Variants in RGS20 observed in about 807,000 individuals in gnomAD.
The protein encoded by RGS20 is regulator of G protein signaling 20.
A neutral mutation model predicts 33.6 loss-of-function variants in RGS20; 30 were observed. The ratio of observed to expected loss-of-function variants is 0.89; its 90% CI spans 0.67 to 1.21. The LOEUF (loss-of-function observed/expected upper bound fraction) is 1.21. Ranked by LOEUF, RGS20 falls within the 50% of genes most tolerant of loss-of-function variation. The pLI, the probability that RGS20 is intolerant of heterozygous loss-of-function variation, is 0.00. For missense variants in RGS20, 472 were observed against 502.4 expected (o/e 0.94, Z 0.58); for synonymous variants, 208 against 197.9 (o/e 1.05, Z -0.43).
At chr8:53,947,800 CTA>C (rs1157208551) in intron 4 of RGS20, among the ~76,000 whole-genome samples, 1 of 129,860 alleles carries the variant, frequency 7.7e-6, no homozygotes, top group Non-Finnish European at 1.6e-5. Context: ...TTTATATATG[CTA>C]TATATAGGAT....
At chr8:53,853,347 A>G (rs1811606969) in intron 1 of RGS20, among the ~76,000 whole-genome samples, 1 of 152,230 alleles carries the variant, frequency 6.6e-6, no homozygotes, top group South Asian at 2.1e-4. Context: ...TCAAAGACAA[A>G]TAAAATGCAA....
intron 2 of RGS20, among the ~76,000 whole-genome samples, chr8:53,891,125 G>A (rs1374447880): frequency 3.3e-5 from 5 of 152,184 alleles, no homozygotes; most frequent in Admixed American, 3.3e-4. Flanking sequence ...TGAGAAAAGA[G>A]TCCCTTTATG....
At position 53,864,962 on chromosome 8, in the gene RGS20, G is replaced by A. The variant is rs887010384; in HGVS notation, c.165+12898G>A. 2.6e-5 allele frequency among the ~76,000 whole-genome samples: 4 copies of A among 152,080 alleles called. No homozygotes were observed. In the East Asian group the frequency reaches 5.8e-4, roughly 22 times the overall value. ...AAGCAAAGCAGTCTAATTCAGTCGCGTCCAACTCAAAGAAATCAATGCCCG... is the reference window on the plus strand; with the variant it reads ...AAGCAAAGCAGTCTAATTCAGTCGCATCCAACTCAAAGAAATCAATGCCCG... On this transcript the variant is annotated intron_variant, in intron 1 of 5. Transcript: ENST00000297313.
chr8:53,855,641 G>A (rs550248239), intron 1 of RGS20, among the ~76,000 whole-genome samples: 1 of 152,302 alleles, frequency 6.6e-6, no homozygotes, highest in East Asian at 1.9e-4. Context: ...TCATTTCCTG[G>A]TTTTGATATT....
At chr8:53,933,081 G>A (rs568814694) in intron 2 of RGS20, among the ~76,000 whole-genome samples, 15 of 152,222 alleles carry the variant, frequency 9.9e-5, no homozygotes, top group South Asian at 6.2e-4. Flanking sequence ...CAAAAAGGAC[G>A]TCCACACAGA....
At chr8:53,943,325 A>G (rs1368658210) in intron 3 of RGS20, among the ~76,000 whole-genome samples, 5 of 152,174 alleles carry the variant, frequency 3.3e-5, no homozygotes, top group African/African-American at 7.2e-5. Context: ...TTTCTTTTCT[A>G]AGTACTTGTG....
chr8:53,870,684 T>C (rs1812042775), intron 1 of RGS20, among the ~76,000 whole-genome samples: 1 of 152,182 alleles, frequency 6.6e-6, no homozygotes, highest in Admixed American at 6.5e-5. Context: ...TCTCCCTGGC[T>C]AAGCTTGGCT....
chr8:53,949,365 A>G (rs899760660), intron 4 of RGS20, among the ~76,000 whole-genome samples: 1 of 149,232 alleles, frequency 6.7e-6, no homozygotes, highest in Non-Finnish European at 1.5e-5. Context: ...ATTTGAAAAT[A>G]TATATCCTTC....
At chr8:53,929,121 C>G (rs1468826193) in intron 2 of RGS20, among the ~76,000 whole-genome samples, 1 of 152,148 alleles carries the variant, frequency 6.6e-6, no homozygotes, top group Non-Finnish European at 1.5e-5. Context: ...GAAAGCAGAT[C>G]AGTCAGCACC....
At chr8:53,869,454 T>C (rs1338568848) in intron 1 of RGS20, among the ~76,000 whole-genome samples, 2 of 152,188 alleles carry the variant, frequency 1.3e-5, no homozygotes, top group East Asian at 3.9e-4. Context: ...GGTGAGCAGA[T>C]CACTTGAGGT....
At chr8:53,893,798 C>T (rs926431816) in intron 2 of RGS20, among the ~76,000 whole-genome samples, 1 of 152,140 alleles carries the variant, frequency 6.6e-6, no homozygotes, top group Non-Finnish European at 1.5e-5. Flanking sequence ...ACATCATAAC[C>T]AGACCACATA....
At chr8:53,897,169 G>A (rs967950299) in intron 2 of RGS20, among the ~76,000 whole-genome samples, 2 of 152,200 alleles carry the variant, frequency 1.3e-5, no homozygotes, top group South Asian at 2.1e-4. Flanking sequence ...TTGCATGTAC[G>A]TTGACACATT....
At chr8:53,880,901 G>A in intron 2 of RGS20, 1 of 1,509,468 alleles carries the variant, frequency 6.6e-7, no homozygotes, top group East Asian at 2.5e-5. Context: ...GCCGGGAGAA[G>A]AGGGCTAGAG....
chr8:53,912,987 G>A (rs1384574836), intron 2 of RGS20, among the ~76,000 whole-genome samples: 1 of 149,702 alleles, frequency 6.7e-6, no homozygotes, highest in Non-Finnish European at 1.5e-5. Flanking sequence ...TTTTTTTGAG[G>A]CAGAGTCTTG....
At chr8:53,901,732 C>T (rs544420268) in intron 2 of RGS20, among the ~76,000 whole-genome samples, 30 of 152,246 alleles carry the variant, frequency 2.0e-4, no homozygotes, top group Admixed American at 1.8e-3. Flanking sequence ...ACCTGTAGTC[C>T]GAGCTACTTG....
At chr8:53,944,366 C>T (rs992285061) in intron 3 of RGS20, among the ~76,000 whole-genome samples, 8 of 152,016 alleles carry the variant, frequency 5.3e-5, no homozygotes, top group Admixed American at 1.3e-4. Context: ...AGTGAAACCC[C>T]GTCTCTACTA....
intron 1 of RGS20, among the ~76,000 whole-genome samples, chr8:53,872,176 T>C (rs1019455376): frequency 2.0e-5 from 3 of 152,198 alleles, no homozygotes; most frequent in Non-Finnish European, 4.4e-5. Flanking sequence ...ATTCAATCTT[T>C]AAAACTTCTG....
rs34316630 is a variant in RGS20 at position 53,889,412 on chromosome 8, C to CTTTTTTTTTTTT, written c.510+9838_510+9849dup. On this transcript the variant is annotated intron_variant, in intron 2 of 5. Coordinates refer to ENST00000297313, the MANE Select transcript of RGS20 (RefSeq NM_170587.4). ...TCTTTCTTTCTTTCTCTCTCTCTCT[C>CTTTTTTTTTTTT]TTTTTTTTTTTTTTTTTTTTTTTTT... Among the ~76,000 whole-genome samples, 38 of 41,866 alleles carry CTTTTTTTTTTTT rather than the reference C, an allele frequency of 9.1e-4. 13 individuals carry two copies. The highest frequency in any genetic ancestry group is 1.6e-3 in the Non-Finnish European group (26 of 16,092). 27.5% of individuals were successfully genotyped at this position (41,866 alleles called of 152,430 possible). A position where few individuals can be genotyped will look rare whatever the true frequency, so the allele number is the denominator to read the frequency against.
chr8:53,935,184 C>T (rs937369519), intron 2 of RGS20, among the ~76,000 whole-genome samples: 1 of 152,116 alleles, frequency 6.6e-6, no homozygotes, highest in Non-Finnish European at 1.5e-5. Flanking sequence ...GACACCCTAA[C>T]ATCACAATTA....
Sources: allele counts gnomAD v4.1 joint callset (sites outside exome capture counted in the v4.1 genomes callset), GRCh38; gene constraint gnomAD v4.1.1; transcripts MANE v1.5; gene names NCBI Gene and HGNC (gene_info 2026-07-23, HGNC 2026-07-21).